LRRC72: variants seen among roughly 807,000 people sequenced by gnomAD.
The protein encoded by LRRC72 is leucine-rich repeat-containing protein 72.
Under a neutral mutation model 35.8 loss-of-function variants are expected in LRRC72, and 41 were observed. The ratio of observed to expected loss-of-function variants is 1.15; its 90% CI spans 0.89 to 1.49. The LOEUF (loss-of-function observed/expected upper bound fraction) is 1.49. Ranked by LOEUF, LRRC72 falls within the 40% of genes most tolerant of loss-of-function variation. LRRC72 has a pLI of 0.00. For synonymous variants in LRRC72, 118 were observed against 119.2 expected (o/e 0.99, Z 0.07); for missense variants, 389 against 330.7 (o/e 1.18, Z -1.37).
At chr7:16,564,490 T>C (rs912568859) in intron 5 of LRRC72, among the ~76,000 whole-genome samples, 4 of 151,872 alleles carry the variant, frequency 2.6e-5, no homozygotes, top group African/African-American at 9.7e-5. Context: ...ATTCAGACCA[T>C]TTTCTGTCAT....
chr7:16,543,612 G>T (rs1018013129), intron 3 of LRRC72, among the ~76,000 whole-genome samples: 1 of 152,142 alleles, frequency 6.6e-6, no homozygotes, highest in South Asian at 2.1e-4. Context: ...AACTGTCTAA[G>T]CCAACCAGAA....
intron 2 of LRRC72, among the ~76,000 whole-genome samples, chr7:16,535,871 T>C (rs1304374593): frequency 6.6e-6 from 1 of 152,234 alleles, no homozygotes; most frequent in Admixed American, 6.5e-5. Context: ...TGTTTTCTGG[T>C]TTTTTTGTTT....
chr7:16,548,197 A>G (rs889428052), intron 3 of LRRC72, among the ~76,000 whole-genome samples: 1 of 152,102 alleles, frequency 6.6e-6, no homozygotes, highest in African/African-American at 2.4e-5. Context: ...AAGGTGTTCT[A>G]TTGCTCAGTA....
At chr7:16,571,463 G>A (rs1418524065) in intron 7 of LRRC72, among the ~76,000 whole-genome samples, 1 of 152,216 alleles carries the variant, frequency 6.6e-6, no homozygotes, top group Non-Finnish European at 1.5e-5. Context: ...CACAGAAGGC[G>A]AGTGATTTCT....
In LRRC72 at chr7:16,535,118, G is replaced by A. The variant is rs559941134; in HGVS notation, c.165-2509G>A. ...GTGGGAGGATCGCATGAACCTAGGA[G>A]GTGGAGGTTGCAGTGAGCCGAGATG... On this transcript the variant is annotated intron_variant, in intron 2 of 8. Transcript: ENST00000401542. 7.2e-5 allele frequency among the ~76,000 whole-genome samples: 11 copies of A among 152,064 alleles called. 1 individual carries two copies. In the South Asian group the frequency reaches 2.3e-3, roughly 32 times the overall value.
intron 7 of LRRC72, among the ~76,000 whole-genome samples, chr7:16,579,835 T>C (rs1022654776): frequency 3.3e-5 from 5 of 152,168 alleles, no homozygotes; most frequent in African/African-American, 1.2e-4. Flanking sequence ...TTTTGAGATT[T>C]GTATTGTATT....
chr7:16,540,412 G>A (rs537741029), intron 3 of LRRC72, among the ~76,000 whole-genome samples: 3 of 152,310 alleles, frequency 2.0e-5, no homozygotes, highest in Admixed American at 2.0e-4. Context: ...AGGTTCATAG[G>A]TGGAAGGGAC....
intron 3 of LRRC72, among the ~76,000 whole-genome samples, chr7:16,541,574 G>A (rs560585156): frequency 6.6e-6 from 1 of 152,094 alleles, no homozygotes; most frequent in Non-Finnish European, 1.5e-5. Flanking sequence ...GGAATGGAAA[G>A]TGCACACTCC....
intron 5 of LRRC72, 24 bp downstream of exon 5, chr7:16,559,023 G>T: frequency 7.4e-7 from 1 of 1,358,718 alleles, no homozygotes; most frequent in Non-Finnish European, 1.0e-6. Context: ...ATTTTATATG[G>T]CCATAAGTTA....
chr7:16,568,479 T>C (rs910764507), intron 7 of LRRC72, among the ~76,000 whole-genome samples: 36 of 152,088 alleles, frequency 2.4e-4, no homozygotes, highest in Non-Finnish European at 8.8e-5. Flanking sequence ...GAATTAGATA[T>C]TGAGAAAAGG....
intron 3 of LRRC72, among the ~76,000 whole-genome samples, chr7:16,545,813 A>G (rs1036757160): frequency 3.9e-5 from 6 of 152,160 alleles, no homozygotes; most frequent in African/African-American, 1.4e-4. Flanking sequence ...AGATATGTAC[A>G]ATACATATCT....
intron 1 of LRRC72, among the ~76,000 whole-genome samples, chr7:16,527,306 G>A (rs1782087171): frequency 2.0e-5 from 3 of 152,160 alleles, no homozygotes; most frequent in African/African-American, 4.8e-5. Context: ...CTAATCCCCT[G>A]GGTGGGGTTT....
rs191053810 is a variant in LRRC72, at chr7:16,573,560, T to C, written c.670+6017T>C. On this transcript the variant is annotated intron_variant, in intron 7 of 8. Transcript: ENST00000401542. ...CAAACACAAGCAATGGGGAAAGGAT[T>C]CCCTATTTAATAAGTGGTGTTGGGA... is the stretch of plus-strand genomic sequence containing the variant. 4.0e-3 allele frequency among the ~76,000 whole-genome samples: 608 copies of C among 152,330 alleles called. 2 individuals carry two copies. The highest frequency in any genetic ancestry group is 0.014 in the African/African-American group (584 of 41,578).
chr7:16,537,304 T>C (rs2128334943), intron 2 of LRRC72, among the ~76,000 whole-genome samples: 1 of 152,296 alleles, frequency 6.6e-6, no homozygotes, highest in Middle Eastern at 3.4e-3. Context: ...TCAGCTTCAC[T>C]TTTTTCCTTT....
In LRRC72 at chr7:16,534,425, G is replaced by A. The variant is rs139733039; in HGVS notation, c.164+1857G>A. Among the ~76,000 whole-genome samples the A allele has an allele frequency of 2.6e-5, 4 of 151,988 alleles. No individual in the cohort carries two copies. In the East Asian group the frequency reaches 7.7e-4, roughly 29 times the overall value. Reference sequence around the variant, plus strand: ...TGAATTTATATGATATCAGATGTGGGCTCGTAAAAGTTTTTTAAAAATTAA... The same window carrying A: ...TGAATTTATATGATATCAGATGTGGACTCGTAAAAGTTTTTTAAAAATTAA... On this transcript the variant is annotated intron_variant, in intron 2 of 8. Transcript: ENST00000401542.
At position 16,568,837 on chromosome 7, in the gene LRRC72, G is replaced by A. The variant is rs557455886; in HGVS notation, c.670+1294G>A. ...CACAACAGACTCTCCAACTACAATC[G>A]TGGAAGTCAAAAAACAGTGATCGAA... On this transcript the variant is annotated intron_variant, in intron 7 of 8. Transcript: ENST00000401542. Among the ~76,000 whole-genome samples the A allele has an allele frequency of 1.8e-4, 27 of 152,196 alleles. No homozygotes were observed. In the South Asian group the frequency reaches 5.0e-3, roughly 28 times the overall value.
intron 3 of LRRC72, among the ~76,000 whole-genome samples, chr7:16,540,931 A>C (rs1257862792): frequency 6.6e-6 from 1 of 152,148 alleles, no homozygotes; most frequent in Non-Finnish European, 1.5e-5. Flanking sequence ...GGACTAATAC[A>C]CTATCCAAGC....
At chr7:16,567,887 A>G (rs528236327) in intron 7 of LRRC72, among the ~76,000 whole-genome samples, 15 of 152,256 alleles carry the variant, frequency 9.9e-5, no homozygotes, top group African/African-American at 3.6e-4. Flanking sequence ...GATTTTACCA[A>G]TTAAGTCTAT....
chr7:16,560,055 T>A (rs1301915801), intron 5 of LRRC72, among the ~76,000 whole-genome samples: 1 of 152,132 alleles, frequency 6.6e-6, no homozygotes, highest in Non-Finnish European at 1.5e-5. Context: ...CTTATGGTCT[T>A]GAAGGGTAAA....
Sources: gnomAD v4.1 joint callset for allele counts (sites outside exome capture counted in the v4.1 genomes callset) on GRCh38, gnomAD v4.1.1 for gene constraint, MANE v1.5 for transcripts, NCBI Gene and HGNC (gene_info 2026-07-23, HGNC 2026-07-21) for gene names.